NTRK3: variants seen among roughly 807,000 people sequenced by gnomAD.
The protein encoded by NTRK3 is neurotrophic receptor tyrosine kinase 3.
In NTRK3, 24 loss-of-function variants were observed where a neutral mutation model predicts 91.7. That is an observed-to-expected ratio of 0.26 (90% CI 0.19 to 0.37). NTRK3 has a LOEUF of 0.37. NTRK3 is among the 10% of genes least tolerant of loss of function. The pLI is 1.00. For synonymous variants in NTRK3, 483 were observed against 404.0 expected, an observed-to-expected ratio of 1.20 and a Z score of -2.34; for missense variants, 880 against 1,068.9, an observed-to-expected ratio of 0.82 and a Z score of 2.46.
chr15:87,860,921 C>T (rs570216465), exon 19 of NTRK3: 4 of 221,756 alleles, frequency 1.8e-5, no homozygotes, highest in African/African-American at 4.5e-5. Flanking sequence ...CTGTGGTCAA[C>T]GTCTCCACCC....
At chr15:88,131,766 A>T (rs1208821929) in intron 10 of NTRK3, among the ~76,000 whole-genome samples, 1 of 152,216 alleles carries the variant, frequency 6.6e-6, no homozygotes, top group East Asian at 1.9e-4. Context: ...CAGGGCCTGG[A>T]AGCATTTATA....
intron 3 of NTRK3, among the ~76,000 whole-genome samples, chr15:88,198,713 G>A (rs1275611219): frequency 1.3e-5 from 2 of 151,966 alleles, no homozygotes; most frequent in Non-Finnish European, 2.9e-5. Flanking sequence ...TAAGCATTCA[G>A]ACCTTGCAGA....
intron 3 of NTRK3, among the ~76,000 whole-genome samples, chr15:88,248,547 C>CAT (rs2053058920): frequency 6.6e-6 from 1 of 151,500 alleles, no homozygotes; most frequent in Non-Finnish European, 1.5e-5. Flanking sequence ...TGCATGTGTG[C>CAT]ATATATATGT....
At chr15:87,992,939 G>C (rs932356485) in intron 14 of NTRK3, among the ~76,000 whole-genome samples, 1 of 152,088 alleles carries the variant, frequency 6.6e-6, no homozygotes, top group African/African-American at 2.4e-5. Context: ...AATCTGACTT[G>C]TGTGTGTGTG....
At chr15:87,876,837 G>C in exon 19 of NTRK3, 1 of 1,345,526 alleles carries the variant, frequency 7.4e-7, no homozygotes. Flanking sequence ...GAAGATGTTC[G>C]CTTCAGTCAA....
chr15:87,958,928 A>G (rs1360324655), intron 14 of NTRK3, among the ~76,000 whole-genome samples: 4 of 152,088 alleles, frequency 2.6e-5, no homozygotes, highest in Admixed American at 1.3e-4. Flanking sequence ...AATGCACTCT[A>G]TCATTGCTTA....
intron 3 of NTRK3, among the ~76,000 whole-genome samples, chr15:88,189,850 G>C (rs1351586727): frequency 2.0e-5 from 3 of 152,172 alleles, no homozygotes; most frequent in Non-Finnish European, 2.9e-5. Flanking sequence ...GGATGGTACA[G>C]AATGTGTGGT....
intron 15 of NTRK3, among the ~76,000 whole-genome samples, chr15:87,936,374 T>C (rs1308366315): frequency 6.6e-6 from 1 of 152,120 alleles, no homozygotes; most frequent in East Asian, 1.9e-4. Flanking sequence ...GTGCATCAGC[T>C]GTCATGTCCA....
intron 6 of NTRK3, among the ~76,000 whole-genome samples, chr15:88,144,521 G>A (rs1043877906): frequency 1.6e-4 from 25 of 152,250 alleles, no homozygotes; most frequent in Admixed American, 9.8e-4. Context: ...AGGAGAGGCC[G>A]AGCATGTAGG....
At chr15:87,896,783 G>A (rs1397797129) in intron 17 of NTRK3, among the ~76,000 whole-genome samples, 1 of 152,164 alleles carries the variant, frequency 6.6e-6, no homozygotes, top group Non-Finnish European at 1.5e-5. Flanking sequence ...TATACAAGAG[G>A]TTATGACTTT....
chr15:88,216,033 G>A (rs1220592516), intron 3 of NTRK3, among the ~76,000 whole-genome samples: 1 of 152,160 alleles, frequency 6.6e-6, no homozygotes, highest in Non-Finnish European at 1.5e-5. Flanking sequence ...ACATTCATTA[G>A]GTTGTCATAA....
At chr15:87,934,506 C>A (rs1271006553) in intron 15 of NTRK3, among the ~76,000 whole-genome samples, 2 of 152,088 alleles carry the variant, frequency 1.3e-5, no homozygotes, top group African/African-American at 4.8e-5. Context: ...TTCTCCTGTC[C>A]CTGCAGCCCC....
At chr15:87,929,866 A>G (rs1213331612) in intron 16 of NTRK3, among the ~76,000 whole-genome samples, 1 of 152,268 alleles carries the variant, frequency 6.6e-6, no homozygotes, top group African/African-American at 2.4e-5. Context: ...GAGGCACAAA[A>G]TGATGAGATT....
chr15:88,245,638 C>G (rs1238001465), intron 3 of NTRK3, among the ~76,000 whole-genome samples: 1 of 152,040 alleles, frequency 6.6e-6, no homozygotes, highest in Non-Finnish European at 1.5e-5. Flanking sequence ...TAAAAAGTAT[C>G]TATGCTTGTG....
chr15:88,245,719 C>T (rs2052756380), intron 3 of NTRK3, among the ~76,000 whole-genome samples: 1 of 151,966 alleles, frequency 6.6e-6, no homozygotes, highest in African/African-American at 2.4e-5. Flanking sequence ...CACACACGTG[C>T]TCATTGAAAT....
chr15:88,143,969 C>T (rs539488335), intron 6 of NTRK3: 13 of 152,336 alleles, frequency 8.5e-5, no homozygotes, highest in African/African-American at 3.1e-4. Context: ...CATTAAGGAT[C>T]CTTAGGGCAC....
chr15:88,174,615 C>G (rs1011228396), intron 5 of NTRK3, among the ~76,000 whole-genome samples: 2 of 152,240 alleles, frequency 1.3e-5, no homozygotes, highest in African/African-American at 4.8e-5. Flanking sequence ...CTGTACCCAT[C>G]AGCACATGTC....
rs554033209 is a variant in NTRK3 at position 87,874,007 on chromosome 15, G to C, written c.*2928C>G. 11 of 228,484 alleles carry C rather than the reference G, an allele frequency of 4.8e-5. No individual in the cohort carries two copies. The South Asian group carries it at 1.8e-3, about 38-fold the overall frequency. 14.2% of individuals were successfully genotyped at this position (228,484 alleles called of 1,614,324 possible). On this transcript the variant is annotated 3_prime_UTR_variant, in exon 19 of 19. Transcript: ENST00000394480. ...CGTTGTCAGAATCTAAGAACTCAGAGCTAGAAGGGGCCAGAGATTAGCAGG... is the reference window on the plus strand; with the variant it reads ...CGTTGTCAGAATCTAAGAACTCAGACCTAGAAGGGGCCAGAGATTAGCAGG...
intron 17 of NTRK3, among the ~76,000 whole-genome samples, chr15:87,892,898 T>G (rs1273654048): frequency 6.6e-6 from 1 of 152,192 alleles, no homozygotes; most frequent in Non-Finnish European, 1.5e-5. Flanking sequence ...CTTGTTCATG[T>G]GTTTAATAGA....
Sources: gnomAD v4.1 joint callset for allele counts (sites outside exome capture counted in the v4.1 genomes callset) on GRCh38, gnomAD v4.1.1 for gene constraint, MANE v1.5 for transcripts, NCBI Gene and HGNC (gene_info 2026-07-23, HGNC 2026-07-21) for gene names.